The following AMPH variants were observed in gnomAD, a reference collection of about 807,000 sequenced individuals.
AMPH encodes the protein amphiphysin (Stiff-Mann syndrome with breast cancer 128kD autoantigen).
A neutral mutation model predicts 99.1 loss-of-function variants in AMPH; 49 were observed. The observed-to-expected ratio is 0.49, with a 90% CI of 0.39 to 0.63. The LOEUF (loss-of-function observed/expected upper bound fraction) is 0.63. AMPH is among the 20% of genes least tolerant of loss of function. The pLI is 0.00. For missense variants in AMPH, 759 were observed against 863.4 expected (o/e 0.88, Z 1.52); for synonymous variants, 314 against 317.3 (o/e 0.99, Z 0.11).
At chr7:38,497,072 C>T (rs1788959067) in intron 3 of AMPH, among the ~76,000 whole-genome samples, 1 of 152,074 alleles carries the variant, frequency 6.6e-6, no homozygotes, top group Non-Finnish European at 1.5e-5. Context: ...ATCATTTGGA[C>T]AGAAGCCATT....
intron 2 of AMPH, among the ~76,000 whole-genome samples, chr7:38,517,100 C>A (rs1789776075): frequency 6.6e-6 from 1 of 152,106 alleles, no homozygotes; most frequent in Non-Finnish European, 1.5e-5. Context: ...GAACTGTGGA[C>A]TTTTGAGTTA....
intron 11 of AMPH, 78 bp from the exon 12 acceptor site, chr7:38,436,466 ACTCT>A: frequency 9.7e-7 from 1 of 1,030,144 alleles, no homozygotes; most frequent in South Asian, 1.3e-5. Flanking sequence ...GCCCATGTAT[ACTCT>A]CTCTAATATT....
intron 7 of AMPH, among the ~76,000 whole-genome samples, chr7:38,467,354 A>G (rs1315124755): frequency 6.6e-6 from 1 of 152,212 alleles, no homozygotes; most frequent in Non-Finnish European, 1.5e-5. Context: ...GAGACCCTAC[A>G]GGCTACCTAT....
At chr7:38,473,846 CTAAA>C (rs1323096936) in intron 7 of AMPH, among the ~76,000 whole-genome samples, 2 of 145,508 alleles carry the variant, frequency 1.4e-5, no homozygotes, top group Non-Finnish European at 3.0e-5. Context: ...ATGTGAATAA[CTAAA>C]TAAATTCAAA....
intron 1 of AMPH, among the ~76,000 whole-genome samples, chr7:38,613,644 C>T (rs10227824): frequency 1.8e-4 from 27 of 152,068 alleles, no homozygotes; most frequent in African/African-American, 5.8e-4. Flanking sequence ...CAGCCTCAGA[C>T]AGTAGGTGCA....
chr7:38,631,208 C>T, intron 1 of AMPH, 75 bp downstream of exon 1: 1 of 1,377,800 alleles, frequency 7.3e-7, no homozygotes, highest in African/African-American at 1.5e-5. Context: ...GGGCCCCGCA[C>T]AGCTGCAGCC....
intron 11 of AMPH, among the ~76,000 whole-genome samples, chr7:38,441,361 A>T (rs750109500): frequency 7.0e-4 from 107 of 152,260 alleles, no homozygotes; most frequent in Middle Eastern, 6.8e-3. Context: ...TTTAGATAAC[A>T]CTGTGACTAA....
intron 1 of AMPH, among the ~76,000 whole-genome samples, chr7:38,601,465 G>C (rs968009407): frequency 6.6e-6 from 1 of 152,134 alleles, no homozygotes; most frequent in African/African-American, 2.4e-5. Flanking sequence ...GGGCCTTTAA[G>C]CTCAAACGGT....
intron 1 of AMPH, among the ~76,000 whole-genome samples, chr7:38,561,093 A>C (rs971653633): frequency 3.9e-5 from 6 of 152,226 alleles, no homozygotes; most frequent in African/African-American, 1.4e-4. Flanking sequence ...CAGTATTTGC[A>C]GGCCAGTAAC....
At chr7:38,523,423 CACA>C (rs1322137783) in intron 2 of AMPH, among the ~76,000 whole-genome samples, 17 of 152,086 alleles carry the variant, frequency 1.1e-4, no homozygotes, top group Non-Finnish European at 2.9e-5. Flanking sequence ...CAAGGGAAAG[CACA>C]ACAAGATCCT....
chr7:38,463,796 C>T (rs973595628), intron 9 of AMPH, among the ~76,000 whole-genome samples: 6 of 152,316 alleles, frequency 3.9e-5, no homozygotes, highest in South Asian at 4.1e-4. Context: ...TCCTGGCATG[C>T]GGCCAGACGC....
At chr7:38,505,912 CT>C (rs1562796455) in intron 2 of AMPH, among the ~76,000 whole-genome samples, 2 of 152,140 alleles carry the variant, frequency 1.3e-5, no homozygotes, top group Non-Finnish European at 2.9e-5. Context: ...CTGCAACTCC[CT>C]ACCAGATCTG....
At chr7:38,623,700 TCTC>T (rs1794145812) in intron 1 of AMPH, among the ~76,000 whole-genome samples, 1 of 152,160 alleles carries the variant, frequency 6.6e-6, no homozygotes, top group East Asian at 1.9e-4. Flanking sequence ...ACAGTACAAA[TCTC>T]CTTGACAGAG....
intron 1 of AMPH, among the ~76,000 whole-genome samples, chr7:38,629,030 G>C (rs753720279): frequency 1.2e-4 from 19 of 152,134 alleles, no homozygotes; most frequent in Admixed American, 9.2e-4. Flanking sequence ...AGAAGCAAAG[G>C]GTCTCAGGGA....
At chr7:38,587,575 G>T (rs542559182) in intron 1 of AMPH, among the ~76,000 whole-genome samples, 40 of 152,278 alleles carry the variant, frequency 2.6e-4, no homozygotes, top group Non-Finnish European at 5.0e-4. Context: ...ATATTCACAG[G>T]GGGCTGGGAA....
chr7:38,405,751 T>C (rs908376506), intron 17 of AMPH, among the ~76,000 whole-genome samples: 4 of 152,116 alleles, frequency 2.6e-5, no homozygotes, highest in Admixed American at 6.6e-5. Flanking sequence ...AGAAAAGAGA[T>C]AGTCATCACT....
intron 1 of AMPH, among the ~76,000 whole-genome samples, chr7:38,567,860 C>G (rs1461416611): frequency 6.6e-6 from 1 of 152,118 alleles, no homozygotes; most frequent in African/African-American, 2.4e-5. Flanking sequence ...TATGACTCTC[C>G]ATTTGAATCT....
chr7:38,608,047 C>T (rs1793495221), intron 1 of AMPH, among the ~76,000 whole-genome samples: 1 of 151,950 alleles, frequency 6.6e-6, no homozygotes, highest in Non-Finnish European at 1.5e-5. Flanking sequence ...CTGTGTTGTC[C>T]AGGCTGGTCT....
intron 17 of AMPH, among the ~76,000 whole-genome samples, chr7:38,409,555 C>T (rs561247181): frequency 3.3e-5 from 5 of 152,214 alleles, no homozygotes; most frequent in Admixed American, 1.3e-4. Context: ...GCACTTGATA[C>T]CGCAAATTTC....
Sources: gnomAD v4.1 joint callset for allele counts (sites outside exome capture counted in the v4.1 genomes callset) on GRCh38, gnomAD v4.1.1 for gene constraint, MANE v1.5 for transcripts, NCBI Gene and HGNC (gene_info 2026-07-23, HGNC 2026-07-21) for gene names.